The following PHACTR2 variants were observed in gnomAD, a reference collection of about 807,000 sequenced individuals.
PHACTR2 encodes the protein chromosome 6 open reading frame 56.
Under a neutral mutation model 76.0 loss-of-function variants are expected in PHACTR2, and 30 were observed. The observed-to-expected ratio is 0.39, with a 90% CI of 0.30 to 0.54. The LOEUF is 0.54. Among genes scored for constraint, PHACTR2 ranks in the 20% least tolerant of loss-of-function variants. The pLI, the probability that PHACTR2 is intolerant of heterozygous loss-of-function variation, is 0.61. For missense variants in PHACTR2, 696 were observed against 781.1 expected, an observed-to-expected ratio of 0.89 and a Z score of 1.30; for synonymous variants, 292 against 292.5, an observed-to-expected ratio of 1.00 and a Z score of 0.02.
chr6:143,658,729 A>G lies in PHACTR2; in HGVS notation c.13+50407A>G, dbSNP rs9484786. ...CTATAGTGTAAAGATTAAAAAACAA[A>G]CAAACAAAAAATGGGGTTGGGCACA... On this transcript the variant is annotated intron_variant, in intron 1 of 11. Coordinates refer to the PHACTR2 transcript ENST00000305766. The surrounding 1 kb of genome is among the most constrained non-coding windows in gnomAD (Gnocchi z 4.1). Among the ~76,000 whole-genome samples, 5,886 of 152,234 alleles carry G rather than the reference A, an allele frequency of 0.039. 372 individuals are homozygous for G. The highest frequency in any genetic ancestry group is 0.13 in the African/African-American group (5,342 of 41,530).
In PHACTR2 at chr6:143,710,747, T is replaced by C. The variant is rs542991152; in HGVS notation, c.47-1269T>C. ...TCTTCTTGGAAGCAGAAGTCCTTGC[T>C]CTTCAATTTTTGTTTTTATTTGTTT... is the stretch of plus-strand genomic sequence containing the variant. On this transcript the variant is annotated intron_variant, in intron 1 of 12. Transcript: ENST00000440869. The surrounding 1 kb of genome is among the most constrained non-coding windows in gnomAD (Gnocchi z 4.9). Among the ~76,000 whole-genome samples, 16 of 152,350 alleles carry C rather than the reference T, an allele frequency of 1.1e-4. No homozygotes were observed. Among genetic ancestry groups the C allele is most frequent in the African/African-American group, 3.4e-4 (14 of 41,578 alleles).
Position 143,823,146 on chromosome 6 carries a change from A to C in PHACTR2, c.1923-528A>C, listed in dbSNP as rs1776459322. On this transcript the variant is annotated intron_variant, in intron 12 of 12. Transcript: ENST00000440869. This position sits in a 1 kb window ranked among gnomAD's most constrained non-coding sequence, Gnocchi z 5.7. ...AGGAAAGCTTTGTATAGTTGTGGAC[A>C]TGCTTAGTATATACCTGTGGAACAT... 6.6e-6 allele frequency among the ~76,000 whole-genome samples: 1 copy of C among 152,264 alleles called. No homozygotes were observed. The highest frequency in any genetic ancestry group is 1.5e-5 in the Non-Finnish European group (1 of 68,040).
rs1252014544 is a variant in PHACTR2, at chr6:143,546,536, A to G, written c.217+9329A>G. Among the ~76,000 whole-genome samples the G allele has an allele frequency of 6.6e-6, 1 of 152,000 alleles. No individual in the cohort carries two copies. Among genetic ancestry groups the G allele is most frequent in the Non-Finnish European group, 1.5e-5 (1 of 67,974 alleles). On this transcript the variant is annotated intron_variant, in intron 1 of 11. Transcript: ENST00000367584. The surrounding 1 kb of genome is among the most constrained non-coding windows in gnomAD (Gnocchi z 4.9). The stretch of plus-strand genomic sequence containing the variant: ...GTTGATTTATGATCTTTTTTGTTTT[A>G]TGTATATTTTCACCTACCTGAATGT...
chr6:143,687,980 C>T (rs1057483915), intron 1 of PHACTR2, among the ~76,000 whole-genome samples: 3 of 152,120 alleles, frequency 2.0e-5, no homozygotes, highest in Non-Finnish European at 2.9e-5. Context: ...CCTACACAGA[C>T]CCTGCCCACA....
chr6:143,713,574 G>C (rs1778232155), intron 2 of PHACTR2, among the ~76,000 whole-genome samples: 1 of 152,192 alleles, frequency 6.6e-6, no homozygotes, highest in African/African-American at 2.4e-5. Flanking sequence ...TGAGGGACAG[G>C]GTGCTGTGCT....
rs61027205 is a variant in PHACTR2 at position 143,764,165 on chromosome 6, C to T, written c.695-1096C>T. On this transcript the variant is annotated intron_variant, in intron 5 of 12. Coordinates refer to ENST00000440869, the MANE Select transcript of PHACTR2 (RefSeq NM_001100164.2). The surrounding 1 kb of genome is among the most constrained non-coding windows in gnomAD (Gnocchi z 4.7). Reference sequence around the variant, plus strand: ...TAAGCATTAAGGAAGATCACATTTGCGAAGGTGGAGTCAGAAGACCTGAGA... The same window carrying T: ...TAAGCATTAAGGAAGATCACATTTGTGAAGGTGGAGTCAGAAGACCTGAGA... Among the ~76,000 whole-genome samples the T allele has an allele frequency of 1.3e-5, 2 of 152,078 alleles. No individual in the cohort carries two copies. The highest frequency in any genetic ancestry group is 2.9e-5 in the Non-Finnish European group (2 of 68,020).
chr6:143,803,694 C>A lies in PHACTR2; in HGVS notation c.1846-3363C>A, dbSNP rs1227559284. Among the ~76,000 whole-genome samples the A allele has an allele frequency of 1.3e-5, 2 of 152,166 alleles. No homozygotes were observed. Among genetic ancestry groups the A allele is most frequent in the Non-Finnish European group, 2.9e-5 (2 of 68,036 alleles). Reference sequence around the variant, plus strand: ...GTTTGAGAATGATGTTAACATCACACATAGAAAGGCTGTGTTTTCTAGGAT... The same window carrying A: ...GTTTGAGAATGATGTTAACATCACAAATAGAAAGGCTGTGTTTTCTAGGAT... On this transcript the variant is annotated intron_variant, in intron 11 of 12. Coordinates refer to ENST00000440869, the MANE Select transcript of PHACTR2 (RefSeq NM_001100164.2). The surrounding 1 kb of genome is among the most constrained non-coding windows in gnomAD (Gnocchi z 4.7).
chr6:143,670,043 T>C (rs1323903598), intron 1 of PHACTR2, among the ~76,000 whole-genome samples: 1 of 152,198 alleles, frequency 6.6e-6, no homozygotes, highest in Non-Finnish European at 1.5e-5. Context: ...TAAGGCAGGC[T>C]GGTAGTGATA....
chr6:143,698,171 A>G lies in PHACTR2; in HGVS notation c.47-13845A>G, dbSNP rs1451742443. ...AAGCTAGTTGGTTTGATGGTGCTCT[A>G]ATTGGATTCAGAGGCTTTCTGTGTG... On this transcript the variant is annotated intron_variant, in intron 1 of 12. Coordinates refer to ENST00000440869, the MANE Select transcript of PHACTR2 (RefSeq NM_001100164.2). This position sits in a 1 kb window ranked among gnomAD's most constrained non-coding sequence, Gnocchi z 4.3. Among the ~76,000 whole-genome samples the G allele has an allele frequency of 6.6e-6, 1 of 152,166 alleles. No individual in the cohort carries two copies. Among genetic ancestry groups the G allele is most frequent in the Non-Finnish European group, 1.5e-5 (1 of 68,026 alleles).
intron 12 of PHACTR2, among the ~76,000 whole-genome samples, chr6:143,810,933 G>T (rs1287609336): frequency 1.3e-5 from 2 of 151,546 alleles, no homozygotes; most frequent in Non-Finnish European, 2.9e-5. Flanking sequence ...GCCCTTTATT[G>T]CCTATGTTGC....
At chr6:143,721,768 A>C (rs13219037) in intron 2 of PHACTR2, among the ~76,000 whole-genome samples, 1 of 151,930 alleles carries the variant, frequency 6.6e-6, no homozygotes, top group Admixed American at 6.6e-5. Context: ...GTTTCTCACC[A>C]CAGGAGTGTA....
At chr6:143,681,108 G>T (rs928829435) in intron 1 of PHACTR2, among the ~76,000 whole-genome samples, 1 of 152,052 alleles carries the variant, frequency 6.6e-6, no homozygotes, top group Non-Finnish European at 1.5e-5. Context: ...TCATTTCTCA[G>T]GTATATATTT....
At chr6:143,631,029 G>A (rs1176689715) in intron 1 of PHACTR2, among the ~76,000 whole-genome samples, 1 of 152,108 alleles carries the variant, frequency 6.6e-6, no homozygotes, top group African/African-American at 2.4e-5. Context: ...AGCCTTCCTT[G>A]TTGGAAGGTA....
intron 1 of PHACTR2, among the ~76,000 whole-genome samples, chr6:143,660,371 G>T (rs1340900198): frequency 6.6e-6 from 1 of 152,128 alleles, no homozygotes; most frequent in Admixed American, 6.5e-5. Context: ...GAGAGAGCTT[G>T]TGCAGGGAAA....
rs1582913447 is a variant in PHACTR2 at position 143,820,068 on chromosome 6, C to T, written c.1923-3606C>T. ...AGTGCCCCACACTTTTAAACCAGAC[C>T]TCGTGAGAAGTCACTCACCATCACA... is the stretch of plus-strand genomic sequence containing the variant. On this transcript the variant is annotated intron_variant, in intron 12 of 12. Coordinates refer to ENST00000440869, the MANE Select transcript of PHACTR2 (RefSeq NM_001100164.2). The surrounding 1 kb of genome is among the most constrained non-coding windows in gnomAD (Gnocchi z 4.2). Among the ~76,000 whole-genome samples, 1 of 152,000 alleles carries T rather than the reference C, an allele frequency of 6.6e-6. No homozygotes were observed. The highest frequency in any genetic ancestry group is 1.5e-5 in the Non-Finnish European group (1 of 67,998).
At position 143,774,368 on chromosome 6, in the gene PHACTR2, C is replaced by G. The variant is rs1458801975; in HGVS notation, c.1589+153C>G. On this transcript the variant is annotated intron_variant, in intron 8 of 12. Coordinates refer to ENST00000440869, the MANE Select transcript of PHACTR2 (RefSeq NM_001100164.2). This position sits in a 1 kb window ranked among gnomAD's most constrained non-coding sequence, Gnocchi z 5.4. ...AGTTGGTCTTGCATGATGAAACACT[C>G]GAAGAACCTGTCCTTTGGCCCAGCT... Among the ~76,000 whole-genome samples, 1 of 152,172 alleles carries G rather than the reference C, an allele frequency of 6.6e-6. No individual in the cohort carries two copies. Among genetic ancestry groups the G allele is most frequent in the Non-Finnish European group, 1.5e-5 (1 of 68,036 alleles).
At chr6:143,808,387 T>C (rs116931887) in intron 12 of PHACTR2, among the ~76,000 whole-genome samples, 60,268 of 151,380 alleles carry the variant, frequency 0.4, 12,238 homozygotes, top group African/African-American at 0.48. Flanking sequence ...CCTCAGCCTC[T>C]CAGAATGCTG....
rs1779590811 is a variant in PHACTR2 at position 143,767,752 on chromosome 6, A to T, written c.1232+1954A>T. Among the ~76,000 whole-genome samples the T allele has an allele frequency of 6.6e-6, 1 of 152,186 alleles. No individual in the cohort carries two copies. The highest frequency in any genetic ancestry group is 2.1e-4 in the South Asian group (1 of 4,830). ...TTTTGAAAATGGCATTAATCTATTC[A>T]CGAGGGCAGAGCCTTCATGACTTAA... is the stretch of plus-strand genomic sequence containing the variant. On this transcript the variant is annotated intron_variant, in intron 6 of 12. Transcript: ENST00000440869. The surrounding 1 kb of genome is among the most constrained non-coding windows in gnomAD (Gnocchi z 4.4).
chr6:143,605,940 A>G (rs1775864558), upstream of PHACTR2, among the ~76,000 whole-genome samples: 1 of 152,220 alleles, frequency 6.6e-6, no homozygotes. This position sits in a 1 kb window ranked among gnomAD's most constrained non-coding sequence, Gnocchi z 5.0. Context: ...GCTAATTAAC[A>G]CATCCATCAC....
Sources: allele counts gnomAD v4.1 joint callset (sites outside exome capture counted in the v4.1 genomes callset), GRCh38; gene constraint gnomAD v4.1.1; non-coding constraint Gnocchi (gnomAD v3.1); transcripts MANE v1.5; gene names NCBI Gene and HGNC (gene_info 2026-07-23, HGNC 2026-07-21).